Variants in ANKLE2 observed in about 807,000 individuals in gnomAD.
The protein encoded by ANKLE2 is ankyrin repeat and LEM domain containing 2.
ANKLE2 carries 55 observed loss-of-function variants against 84.2 expected under a neutral mutation model. The observed-to-expected ratio is 0.65, with a 90% CI of 0.53 to 0.82. The LOEUF is 0.82. Ranked by LOEUF, ANKLE2 falls within the 40% of genes least tolerant of loss-of-function variation. The probability of loss-of-function intolerance (pLI) is 0.00; values close to 1 mark genes in which losing one functional copy is unlikely to be tolerated. For synonymous variants in ANKLE2, 551 were observed against 486.1 expected (o/e 1.13, Z -1.76); for missense variants, 1,238 against 1,201.9 (o/e 1.03, Z -0.44).
At chr12:132,756,957 A>G (rs1042948528) in intron 1 of ANKLE2, 2 of 148,208 alleles carry the variant, frequency 1.3e-5, no homozygotes, top group Non-Finnish European at 3.0e-5. Flanking sequence ...CAAAAAAAAC[A>G]AAAAAAAAAG....
intron 6 of ANKLE2, 59 bp from the exon 7 acceptor site, chr12:132,741,544 C>A (rs1347831830): frequency 3.3e-5 from 49 of 1,495,484 alleles, no homozygotes; most frequent in Non-Finnish European, 4.1e-5. Context: ...CTTATCATTA[C>A]AATGATTTCA....
At chr12:132,731,189 CTTTAT>C (rs1216529468) in intron 10 of ANKLE2, 1 of 152,234 alleles carries the variant, frequency 6.6e-6, no homozygotes, top group Non-Finnish European at 1.5e-5. Context: ...AATGCCTCAA[CTTTAT>C]TTAATATTTA....
chr12:132,741,326 G>T, intron 7 of ANKLE2, 93 bp downstream of exon 7: 2 of 1,284,290 alleles, frequency 1.6e-6, no homozygotes, highest in Non-Finnish European at 2.2e-6. Flanking sequence ...CGCCCGGGGA[G>T]CTCAGGAAAG....
chr12:132,752,865 T>C (rs1487311152), intron 2 of ANKLE2, among the ~76,000 whole-genome samples: 2 of 152,010 alleles, frequency 1.3e-5, no homozygotes. Context: ...TCTTTAAAAT[T>C]ACAATTCTTG....
At position 132,741,993 on chromosome 12, in the gene ANKLE2, T is replaced by C. The variant is rs552075734; in HGVS notation, c.1354-508A>G. 3.1e-5 allele frequency: 11 copies of C among 356,276 alleles called. No homozygotes were observed. The East Asian group carries it at 3.2e-4, about 10-fold the overall frequency. The allele number at this position is 356,276 out of a possible 1,614,324, so 22.1% of individuals were successfully genotyped here. ...CAATACGAACTTTTGCTAGAAACTATAGAAAAACCAACAACCTTCAAATAA... is the reference window on the plus strand; with the variant it reads ...CAATACGAACTTTTGCTAGAAACTACAGAAAAACCAACAACCTTCAAATAA... On this transcript the variant is annotated intron_variant, in intron 6 of 12. Coordinates refer to ENST00000357997, the MANE Select transcript of ANKLE2 (RefSeq NM_015114.3).
In ANKLE2 at chr12:132,735,423, G is replaced by T. The variant is rs376082232; in HGVS notation, c.1683C>A (p.Gly561=). The part of the protein sequence containing the change: ...HHVKKSDPER[G]FERVGRELAH... ...TTCAGTACCTTCCCACTCTCTCAAA[G>T]CCTCTTTCCGGGTCCGACTTCTTGA... Residue 561 remains glycine, a synonymous_variant, in exon 9 of 13, where the codon GGC becomes GGA. Coordinates refer to ENST00000357997, the MANE Select transcript of ANKLE2 (RefSeq NM_015114.3). 2.2e-4 allele frequency: 359 copies of T among 1,614,066 alleles called. 1 individual carries two copies. The Middle Eastern group carries it at 3.3e-3, about 15-fold the overall frequency.
At chr12:132,736,097 G>A (rs1349856152) in intron 8 of ANKLE2, among the ~76,000 whole-genome samples, 5 of 152,096 alleles carry the variant, frequency 3.3e-5, no homozygotes, top group Admixed American at 6.6e-5. Context: ...GACTATAGGC[G>A]CCCACCACCA....
chr12:132,748,856 T>TATAC (rs1274763934), intron 3 of ANKLE2: 1 of 102,224 alleles, frequency 9.8e-6, no homozygotes, highest in Non-Finnish European at 2.2e-5. Context: ...GCCTGGCTTA[T>TATAC]ATACATATAT....
chr12:132,734,661 G>C (rs1022473846), intron 9 of ANKLE2, 86 bp from the exon 10 acceptor site: 6 of 1,311,780 alleles, frequency 4.6e-6, no homozygotes, highest in African/African-American at 4.5e-5. Context: ...AAAGCTTCAA[G>C]TACCAAAGCA....
intron 10 of ANKLE2, chr12:132,730,557 T>G: frequency 5.0e-6 from 2 of 403,552 alleles, no homozygotes; most frequent in Non-Finnish European, 9.1e-6. Flanking sequence ...GCACAGAAGC[T>G]CACGCCTGCA....
chr12:132,754,198 C>T (rs565199663), intron 2 of ANKLE2, among the ~76,000 whole-genome samples: 90 of 152,282 alleles, frequency 5.9e-4, no homozygotes, highest in Non-Finnish European at 9.7e-4. Context: ...GCTGAGATCA[C>T]GCCACTGCAC....
intron 8 of ANKLE2, 67 bp from the exon 9 acceptor site, chr12:132,735,579 G>T (rs986401903): frequency 1.5e-6 from 2 of 1,326,124 alleles, no homozygotes; most frequent in South Asian, 1.3e-5. Flanking sequence ...GAAACCTGAA[G>T]AGCCGTCGTC....
At chr12:132,753,225 T>C (rs528752114) in intron 2 of ANKLE2, among the ~76,000 whole-genome samples, 1 of 152,024 alleles carries the variant, frequency 6.6e-6, no homozygotes, top group East Asian at 1.9e-4. Context: ...GAGGCTGAGG[T>C]GGGAGGACTC....
intron 2 of ANKLE2, among the ~76,000 whole-genome samples, chr12:132,753,875 G>A (rs1440572379): frequency 2.0e-5 from 3 of 152,242 alleles, no homozygotes; most frequent in African/African-American, 4.8e-5. Flanking sequence ...AGGCTGCAGT[G>A]AGCTGTGACT....
At chr12:132,752,411 CTTTTTT>C (rs946781111) in intron 2 of ANKLE2, among the ~76,000 whole-genome samples, 1 of 151,898 alleles carries the variant, frequency 6.6e-6, no homozygotes, top group Non-Finnish European at 1.5e-5. Flanking sequence ...GTGTTACTTT[CTTTTTT>C]TTGAGATGGA....
chr12:132,755,062 CG>C lies in ANKLE2; in HGVS notation c.252del (p.Ile84MetfsTer6). 1 of 1,613,910 alleles carries C rather than the reference CG, an allele frequency of 6.2e-7. No homozygotes were observed. On this transcript the variant is annotated frameshift_variant, in exon 2 of 13. Coordinates refer to ENST00000357997, the MANE Select transcript of ANKLE2 (RefSeq NM_015114.3). LOFTEE classifies it high-confidence loss of function. Reference protein sequence around the residue: ...LLNPDDLREEIVKAGLKCGPI... With the variant: ...LLNPDDLREEXVKAGLKCGPI... Reference sequence around the variant, plus strand: ...GGTCCACATTTCAATCCGGCTTTGACGATTTCTTCTCTAAGGTCATCTGGAT... The same window carrying C: ...GGTCCACATTTCAATCCGGCTTTGACATTTCTTCTCTAAGGTCATCTGGAT...
intron 10 of ANKLE2, chr12:132,730,481 A>C: frequency 3.8e-6 from 2 of 531,046 alleles, no homozygotes; most frequent in Non-Finnish European, 3.3e-6. Flanking sequence ...ATGGAAAACC[A>C]CCCACACGAC....
In ANKLE2 at chr12:132,761,821, G is replaced by T. The variant is rs1593193010; in HGVS notation, c.-23C>A. On this transcript the variant is annotated 5_prime_UTR_variant, in exon 1 of 13. Coordinates refer to ENST00000357997, the MANE Select transcript of ANKLE2 (RefSeq NM_015114.3). ...CATCGCCGCCGCCCGGGCCGCAGCC[G>T]CCGAGAAGCCCGCGCCCCGCGCCGC... 28 of 1,008,090 alleles carry T rather than the reference G, an allele frequency of 2.8e-5. No homozygotes were observed. The South Asian group carries it at 7.2e-4, about 26-fold the overall frequency. The allele number at this position is 1,008,090 out of a possible 1,614,324, so 62.4% of individuals were successfully genotyped here.
Position 132,747,994 on chromosome 12 carries a change from A to G in ANKLE2, c.1068T>C (p.His356=), listed in dbSNP as rs1157503999. The G allele has an allele frequency of 1.3e-6, 2 of 1,598,342 alleles. No individual in the cohort carries two copies. The highest frequency in any genetic ancestry group is 1.7e-6 in the Non-Finnish European group (2 of 1,175,810). ...AAGCCTGGTTCTCTTTGGCAGCAAC[A>G]TGCATCACGTTGTACCTGCACCCTT... ...VQEGCRYNVM[H]VAAKENQASI... Residue 356 remains histidine (H), a synonymous_variant, in exon 5 of 13, where the codon CAT becomes CAC. Coordinates refer to ENST00000357997, the MANE Select transcript of ANKLE2 (RefSeq NM_015114.3).
Sources: gnomAD v4.1 joint callset for allele counts (sites outside exome capture counted in the v4.1 genomes callset) on GRCh38, gnomAD v4.1.1 for gene constraint, MANE v1.5 for transcripts, NCBI Gene and HGNC (gene_info 2026-07-23, HGNC 2026-07-21) for gene names.